Variants in CCDC73 observed in about 807,000 individuals in gnomAD.
The protein encoded by CCDC73 is coiled-coil domain-containing protein 73.
A neutral mutation model predicts 116.5 loss-of-function variants in CCDC73; 95 were observed. The observed-to-expected ratio is 0.82, with a 90% CI of 0.69 to 0.97. CCDC73 has a LOEUF of 0.97. CCDC73 is among the 50% of genes least tolerant of loss of function. The probability of loss-of-function intolerance (pLI) is 0.00; values close to 1 mark genes in which losing one functional copy is unlikely to be tolerated. For synonymous variants in CCDC73, 398 were observed against 401.3 expected (o/e 0.99, Z 0.10); for missense variants, 1,066 against 1,206.8 (o/e 0.88, Z 1.73).
At chr11:32,704,964 C>T (rs1323285179) in intron 3 of CCDC73, among the ~76,000 whole-genome samples, 3 of 152,220 alleles carry the variant, frequency 2.0e-5, no homozygotes, top group Admixed American at 6.5e-5. Context: ...CCTCATTCTT[C>T]CTGGACATGG....
chr11:32,794,921 G>A (rs1247183920), upstream of CCDC73, among the ~76,000 whole-genome samples: 1 of 151,404 alleles, frequency 6.6e-6, no homozygotes, highest in Admixed American at 6.6e-5. Context: ...CTGGAGTGGA[G>A]TGGCGCGATC....
chr11:32,829,773 C>A, the CCDC73 span: 3 of 985,198 alleles, frequency 3.0e-6, no homozygotes, highest in African/African-American at 3.5e-5. Flanking sequence ...GCGGCTGGCC[C>A]GCCCGGGGAT....
At chr11:32,689,980 G>A (rs2133302456) in intron 6 of CCDC73, among the ~76,000 whole-genome samples, 2 of 152,198 alleles carry the variant, frequency 1.3e-5, no homozygotes, top group South Asian at 4.2e-4. Flanking sequence ...GGATGACAGA[G>A]CAAGACTCCA....
intron 3 of CCDC73, among the ~76,000 whole-genome samples, chr11:32,707,532 C>G (rs1849866237): frequency 6.6e-6 from 1 of 152,004 alleles, no homozygotes; most frequent in African/African-American, 2.4e-5. Context: ...TGAGGAACCT[C>G]AAGGATATTA....
chr11:32,654,371 A>G (rs956520352), intron 10 of CCDC73, among the ~76,000 whole-genome samples: 1 of 152,104 alleles, frequency 6.6e-6, no homozygotes, highest in African/African-American at 2.4e-5. Flanking sequence ...ACGAGGTTTC[A>G]TCATGTTGGC....
chr11:32,607,080 A>T (rs866240299), intron 17 of CCDC73, among the ~76,000 whole-genome samples: 254 of 74,182 alleles, frequency 3.4e-3, no homozygotes, highest in Middle Eastern at 0.021. Context: ...CCAAAAATAA[A>T]TTTTTTTTTT....
At chr11:32,685,699 G>A (rs1856191745) in intron 6 of CCDC73, among the ~76,000 whole-genome samples, 1 of 148,760 alleles carries the variant, frequency 6.7e-6, no homozygotes, top group Non-Finnish European at 1.5e-5. Flanking sequence ...GAGGACGAAT[G>A]TGACAAAGCC....
chr11:32,606,293 G>A (rs1238039632), intron 17 of CCDC73: 4 of 152,302 alleles, frequency 2.6e-5, no homozygotes, highest in East Asian at 1.9e-4. Flanking sequence ...TATAACAGAG[G>A]TTGATAAACT....
At chr11:32,680,080 G>A (rs1362521524) in intron 7 of CCDC73, 1 of 152,078 alleles carries the variant, frequency 6.6e-6, no homozygotes, top group African/African-American at 2.4e-5. Context: ...GCCCATATAT[G>A]CCTATATGAA....
At chr11:32,699,403 C>A in intron 5 of CCDC73, 78 bp from the exon 6 acceptor site, 4 of 1,325,480 alleles carry the variant, frequency 3.0e-6, no homozygotes, top group Non-Finnish European at 3.9e-6. Context: ...AGCTCAAGAA[C>A]CCTTTAAGTA....
chr11:32,720,776 C>A (rs1406275112), intron 2 of CCDC73, among the ~76,000 whole-genome samples: 1 of 152,072 alleles, frequency 6.6e-6, no homozygotes, highest in Non-Finnish European at 1.5e-5. Flanking sequence ...CACATCAAAT[C>A]AAGAGAGTAA....
chr11:32,754,068 G>C (rs1472432447), intron 2 of CCDC73, among the ~76,000 whole-genome samples: 1 of 152,144 alleles, frequency 6.6e-6, no homozygotes, highest in African/African-American at 2.4e-5. Context: ...TTTCAACATG[G>C]TTTAATATCT....
chr11:32,656,808 CTTA>C (rs2061333978), intron 9 of CCDC73, among the ~76,000 whole-genome samples: 1 of 152,048 alleles, frequency 6.6e-6, no homozygotes, highest in South Asian at 2.1e-4. Flanking sequence ...ATCCTGACTA[CTTA>C]ATTTTTTTAA....
chr11:32,823,037 G>A, the CCDC73 span, among the ~76,000 whole-genome samples: 1 of 152,254 alleles, frequency 6.6e-6, no homozygotes, highest in Non-Finnish European at 1.5e-5. Flanking sequence ...GGAGGCTGAG[G>A]TGGGAGGATC....
intron 7 of CCDC73, chr11:32,682,592 T>A (rs963304322): frequency 6.6e-6 from 1 of 151,966 alleles, no homozygotes; most frequent in Non-Finnish European, 1.5e-5. Flanking sequence ...AAATTAATTT[T>A]ACTTGCTTTA....
the CCDC73 span, among the ~76,000 whole-genome samples, chr11:32,815,037 G>C: frequency 6.6e-6 from 1 of 152,168 alleles, no homozygotes; most frequent in African/African-American, 2.4e-5. Context: ...GAGAGAGAGA[G>C]AATGGTGAAT....
At chr11:32,719,700 T>C (rs1849974341) in intron 2 of CCDC73, among the ~76,000 whole-genome samples, 1 of 152,172 alleles carries the variant, frequency 6.6e-6, no homozygotes, top group African/African-American at 2.4e-5. Flanking sequence ...CTATTTTAAA[T>C]ATGGTCAAAG....
intron 17 of CCDC73, among the ~76,000 whole-genome samples, chr11:32,610,546 G>A (rs1855411245): frequency 6.6e-6 from 1 of 152,136 alleles, no homozygotes; most frequent in Non-Finnish European, 1.5e-5. Context: ...TATACACTAT[G>A]ATATAAAACT....
At chr11:32,620,859 C>G (rs942752105) in intron 14 of CCDC73, among the ~76,000 whole-genome samples, 1 of 151,994 alleles carries the variant, frequency 6.6e-6, no homozygotes, top group Non-Finnish European at 1.5e-5. Context: ...GCAAAAAACA[C>G]CAGCATTCCT....
Sources: allele counts gnomAD v4.1 joint callset (sites outside exome capture counted in the v4.1 genomes callset), GRCh38; gene constraint gnomAD v4.1.1; transcripts MANE v1.5; gene names NCBI Gene and HGNC (gene_info 2026-07-23, HGNC 2026-07-21).